Variants in MIS18A observed in about 807,000 individuals in gnomAD.
The protein encoded by MIS18A is MIS18 kinetochore protein A.
MIS18A carries 14 observed loss-of-function variants against 25.0 expected under a neutral mutation model. The ratio of observed to expected loss-of-function variants is 0.56; its 90% CI spans 0.37 to 0.88. The LOEUF (loss-of-function observed/expected upper bound fraction) is 0.88, where lower values mean the gene tolerates loss of function less well. Among genes scored for constraint, MIS18A ranks in the 40% least tolerant of loss-of-function variants. MIS18A has a pLI of 0.00. For synonymous variants in MIS18A, 134 were observed against 118.6 expected (o/e 1.13, Z -0.84); for missense variants, 292 against 290.8 (o/e 1.00, Z -0.03).
the MIS18A span, among the ~76,000 whole-genome samples, chr21:32,253,313 C>T: frequency 6.6e-6 from 1 of 152,136 alleles, no homozygotes; most frequent in South Asian, 2.1e-4. Context: ...AGCGGGCATG[C>T]GCAGTTTCCA....
chr21:32,207,075 C>T, the MIS18A span, among the ~76,000 whole-genome samples: 2 of 152,204 alleles, frequency 1.3e-5, no homozygotes, highest in African/African-American at 2.4e-5. Context: ...CTAAATTCCA[C>T]GCCTGCGCCC....
the MIS18A span, among the ~76,000 whole-genome samples, chr21:32,236,776 AC>A: frequency 6.6e-6 from 1 of 152,084 alleles, no homozygotes; most frequent in African/African-American, 2.4e-5. Flanking sequence ...AGCCACATCT[AC>A]CTGCAAGGGA....
chr21:32,218,993 G>A, the MIS18A span, among the ~76,000 whole-genome samples: 33 of 151,628 alleles, frequency 2.2e-4, no homozygotes, highest in Admixed American at 1.4e-3. Context: ...GCTCGAACCC[G>A]GGAGGCAGAG....
chr21:32,197,074 T>C, the MIS18A span, among the ~76,000 whole-genome samples: 2 of 152,196 alleles, frequency 1.3e-5, 1 homozygote, highest in South Asian at 4.1e-4. Context: ...ACAGAACCTA[T>C]TGTACGAAAT....
chr21:32,235,571 T>C, the MIS18A span, among the ~76,000 whole-genome samples: 3 of 152,208 alleles, frequency 2.0e-5, no homozygotes, highest in African/African-American at 7.2e-5. Context: ...GTGAAACCTA[T>C]TTGACATCTC....
At chr21:32,241,872 G>A in the MIS18A span, among the ~76,000 whole-genome samples, 10 of 146,080 alleles carry the variant, frequency 6.8e-5, no homozygotes, top group East Asian at 1.9e-3. Context: ...AAGGATTTTG[G>A]GTTTTTTGTT....
the MIS18A span, among the ~76,000 whole-genome samples, chr21:32,243,206 G>A: frequency 6.6e-6 from 1 of 152,154 alleles, no homozygotes; most frequent in African/African-American, 2.4e-5. Context: ...AGAGTTCGTA[G>A]ATATGACACC....
At chr21:32,156,801 G>A in the MIS18A span, among the ~76,000 whole-genome samples, 3 of 148,296 alleles carry the variant, frequency 2.0e-5, no homozygotes, top group Non-Finnish European at 4.4e-5. Flanking sequence ...TCTGTGGGAG[G>A]GGCACCATGT....
the MIS18A span, among the ~76,000 whole-genome samples, chr21:32,207,566 A>C: frequency 2.0e-5 from 3 of 152,234 alleles, no homozygotes; most frequent in Admixed American, 2.0e-4. Flanking sequence ...ATTTTCTGCT[A>C]ATCTGCCTGC....
intron 2 of MIS18A, among the ~76,000 whole-genome samples, chr21:32,272,184 CG>C: frequency 6.6e-6 from 1 of 152,312 alleles, no homozygotes; most frequent in East Asian, 1.9e-4. Context: ...TGCCAATAAT[CG>C]TAAGGTGATG....
the MIS18A span, among the ~76,000 whole-genome samples, chr21:32,155,762 T>A: frequency 6.6e-6 from 1 of 152,236 alleles, no homozygotes; most frequent in South Asian, 2.1e-4. Flanking sequence ...GAGAATTTTA[T>A]AGCCAGGCCA....
Position 32,278,694 on chromosome 21 carries a change from G to A in MIS18A, c.321C>T (p.Cys107=). 2 of 1,562,936 alleles carry A rather than the reference G, an allele frequency of 1.3e-6. No homozygotes were observed. The highest frequency in any genetic ancestry group is 1.2e-5 in the South Asian group (1 of 86,298). The change falls in exon 1 of 5, where the codon TGC becomes TGT. Residue 107 remains cysteine (C), a synonymous_variant. Transcript: ENST00000290130. ...GACCCAACTGACAGCGAAGCAGGAT[G>A]CAGTTGGTGTCCTCCTGGCTGGCCA... ...SWVASQEDTN[C]ILLRCVSCNV... is the part of the protein sequence containing the mutation.
downstream of MIS18A, among the ~76,000 whole-genome samples, chr21:32,267,806 G>A (rs1026009969): frequency 3.9e-5 from 6 of 152,220 alleles, no homozygotes; most frequent in Non-Finnish European, 8.8e-5. Context: ...GTTGCCAGCG[G>A]GTGTTGACGT....
the MIS18A span, among the ~76,000 whole-genome samples, chr21:32,190,552 T>A: frequency 6.6e-6 from 1 of 152,176 alleles, no homozygotes; most frequent in Non-Finnish European, 1.5e-5. Flanking sequence ...ACACATTTTT[T>A]AAAAACACTA....
chr21:32,197,302 C>A, the MIS18A span, among the ~76,000 whole-genome samples: 1 of 152,090 alleles, frequency 6.6e-6, no homozygotes, highest in Admixed American at 6.5e-5. Context: ...ATTTATTATC[C>A]CCAGAGCTGT....
At chr21:32,249,257 G>C in the MIS18A span, among the ~76,000 whole-genome samples, 1 of 152,190 alleles carries the variant, frequency 6.6e-6, no homozygotes, top group African/African-American at 2.4e-5. Context: ...TTACAGACTA[G>C]AGGAGTGAGT....
the MIS18A span, among the ~76,000 whole-genome samples, chr21:32,192,631 GA>G: frequency 6.6e-6 from 1 of 152,206 alleles, no homozygotes; most frequent in Non-Finnish European, 1.5e-5. Flanking sequence ...TGCCCTCCAA[GA>G]GGCATCGTGC....
intron 1 of MIS18A, among the ~76,000 whole-genome samples, chr21:32,277,108 C>T (rs750963581): frequency 1.9e-4 from 29 of 152,024 alleles, no homozygotes; most frequent in Middle Eastern, 3.4e-3. Context: ...GAAATGAATC[C>T]GAGTTCATTT....
the MIS18A span, among the ~76,000 whole-genome samples, chr21:32,227,798 A>G: frequency 6.6e-6 from 1 of 152,222 alleles, no homozygotes; most frequent in African/African-American, 2.4e-5. Context: ...CAAACTTCTG[A>G]ACATACTATT....
Sources: allele counts gnomAD v4.1 joint callset (sites outside exome capture counted in the v4.1 genomes callset), GRCh38; gene constraint gnomAD v4.1.1; transcripts MANE v1.5; gene names NCBI Gene and HGNC (gene_info 2026-07-23, HGNC 2026-07-21).